OTOF: variants seen among roughly 807,000 people sequenced by gnomAD.
The protein encoded by OTOF is fer-1-like family member 2.
Under a neutral mutation model 236.8 loss-of-function variants are expected in OTOF, and 218 were observed. The ratio of observed to expected loss-of-function variants is 0.92; its 90% confidence interval spans 0.82 to 1.03. The LOEUF is 1.03. Ranked by LOEUF, OTOF falls within the 50% of genes least tolerant of loss-of-function variation. OTOF has a pLI of 0.00. For missense variants in OTOF, 2,590 were observed against 2,694.4 expected, an observed-to-expected ratio of 0.96 and a Z score of 0.86; for synonymous variants, 1,041 against 1,072.5, an observed-to-expected ratio of 0.97 and a Z score of 0.57.
Position 26,474,135 on chromosome 2 carries a change from C to T in OTOF, c.3289-25G>A, listed in dbSNP as rs754591840. The T allele has an allele frequency of 4.3e-6, 7 of 1,612,532 alleles. No individual in the cohort carries two copies. In the South Asian group the frequency reaches 6.6e-5, roughly 15 times the overall value. ...TCTGGGGAATGGGGGTCACAGGTCA[C>T]ACACTGGGGAGCCCAGGGACAGGGT... On this transcript the variant is annotated intron_variant, in intron 26 of 46. Transcript: ENST00000272371.
chr2:26,458,163 G>T lies in OTOF; in HGVS notation c.*75C>A, dbSNP rs1572394563. Reference sequence around the variant, plus strand: ...TGAGCCACTTGTACCGGGTGCAGATGAGGTACTTGATGGACTTGAGAGGGT... The same window carrying T: ...TGAGCCACTTGTACCGGGTGCAGATTAGGTACTTGATGGACTTGAGAGGGT... On this transcript the variant is annotated 3_prime_UTR_variant, in exon 47 of 47. Transcript: ENST00000272371. The T allele has an allele frequency of 1.2e-6, 2 of 1,613,692 alleles. No individual in the cohort carries two copies. Among genetic ancestry groups the T allele is most frequent in the African/African-American group, 1.3e-5 (1 of 74,918 alleles).
rs779194353 is a variant in OTOF at position 26,460,644 on chromosome 2, C to CA, written c.5813+2dup. The CA allele has an allele frequency of 1.2e-6, 2 of 1,612,584 alleles. No homozygotes were observed. Among genetic ancestry groups the CA allele is most frequent in the Non-Finnish European group, 1.7e-6 (2 of 1,178,688 alleles). ...GGAGGGGCTGGGCCGGCAGGGCACT[C>CA]ACTTGGGTTTCTCTAGGGGGTCAGG... On this transcript the variant is annotated splice_region_variant and intron_variant, in intron 45 of 46. Transcript: ENST00000272371. The surrounding 1 kb of genome is among the most constrained non-coding windows in gnomAD (Gnocchi z 5.3).
intron 3 of OTOF, among the ~76,000 whole-genome samples, chr2:26,519,820 T>C (rs1666632029): frequency 6.6e-6 from 1 of 152,192 alleles, no homozygotes; most frequent in Non-Finnish European, 1.5e-5. Flanking sequence ...GTTGGAGGAC[T>C]GAATGAGATC....
chr2:26,483,886 C>G (rs1665632011), intron 12 of OTOF, among the ~76,000 whole-genome samples: 1 of 152,212 alleles, frequency 6.6e-6, no homozygotes. Context: ...ACCCACCTCC[C>G]AAGAACATGA....
chr2:26,544,855 G>A (rs1405855900), intron 1 of OTOF, among the ~76,000 whole-genome samples: 1 of 151,174 alleles, frequency 6.6e-6, no homozygotes, highest in Admixed American at 6.6e-5. Context: ...GGCTAACACG[G>A]TGAAACCCTG....
rs1664939983 is a variant in OTOF, at chr2:26,470,812, G to A, written c.3895-91C>T. On this transcript the variant is annotated intron_variant, in intron 31 of 46. Coordinates refer to ENST00000272371, the MANE Select transcript of OTOF (RefSeq NM_194248.3). This position sits in a 1 kb window ranked among gnomAD's most constrained non-coding sequence, Gnocchi z 4.3. Reference sequence around the variant, plus strand: ...CACCCATTCCGCCATCTGTCAGCAGGAAGCCTTGGGCTCCATGAGGCTCTG... The same window carrying A: ...CACCCATTCCGCCATCTGTCAGCAGAAAGCCTTGGGCTCCATGAGGCTCTG... 1.3e-6 allele frequency: 2 copies of A among 1,557,776 alleles called. No homozygotes were observed. Among genetic ancestry groups the A allele is most frequent in the African/African-American group, 2.7e-5 (2 of 73,510 alleles).
rs1666526850 is a variant in OTOF at position 26,516,441 on chromosome 2, G to A, written c.486C>T (p.Pro162=). 1.2e-6 allele frequency: 2 copies of A among 1,613,920 alleles called. No individual in the cohort carries two copies. Among genetic ancestry groups the A allele is most frequent in the African/African-American group, 1.3e-5 (1 of 75,030 alleles). Residue 162 remains proline (P), a synonymous_variant, in exon 5 of 47, where the codon CCC becomes CCT. Transcript: ENST00000272371. ...ACCTCCGGAAGCTCTTCTCTCCTGG[G>A]GGCCGGGAGCTGGGCCGGGAGCCTG... The part of the protein sequence containing the change: ...LLPGSRPSSR[P]PGEKSFRRAG...
chr2:26,510,501 G>T (rs77329338), intron 5 of OTOF, among the ~76,000 whole-genome samples: 1 of 150,678 alleles, frequency 6.6e-6, no homozygotes, highest in Non-Finnish European at 1.5e-5. Context: ...CACCTCCCCC[G>T]CGACCCTAAC....
intron 5 of OTOF, among the ~76,000 whole-genome samples, chr2:26,505,845 G>A (rs978929451): frequency 2.0e-5 from 3 of 152,228 alleles, no homozygotes; most frequent in Non-Finnish European, 4.4e-5. Context: ...ATAGTTTACA[G>A]ATCAGGATGC....
At chr2:26,538,188 G>A (rs1028899970) in intron 1 of OTOF, among the ~76,000 whole-genome samples, 2 of 152,198 alleles carry the variant, frequency 1.3e-5, no homozygotes, top group East Asian at 1.9e-4. Flanking sequence ...AGTATAGGGG[G>A]CGTAGCCCCT....
intron 1 of OTOF, among the ~76,000 whole-genome samples, chr2:26,546,852 A>G (rs1334179826): frequency 6.6e-6 from 1 of 151,376 alleles, no homozygotes; most frequent in Non-Finnish European, 1.5e-5. Flanking sequence ...TATTAATCAT[A>G]TATCCTGAAA....
chr2:26,517,459 C>T (rs1410907252), intron 4 of OTOF, among the ~76,000 whole-genome samples: 2 of 152,222 alleles, frequency 1.3e-5, no homozygotes, highest in African/African-American at 2.4e-5. Flanking sequence ...AATGTACACT[C>T]ATTTGATCTT....
At chr2:26,458,254 T>A in intron 46 of OTOF, 34 bp from the exon 47 acceptor site, 1 of 1,552,964 alleles carries the variant, frequency 6.4e-7, no homozygotes. Flanking sequence ...GGTCAGCCAG[T>A]GGGCAGGAGC....
At chr2:26,475,336 C>G (rs1405008061) in intron 25 of OTOF, 23 bp downstream of exon 25, 33 of 1,612,380 alleles carry the variant, frequency 2.0e-5, no homozygotes, top group Non-Finnish European at 2.7e-5. Context: ...GCTGGGGTCC[C>G]TGGCACCAGA....
intron 2 of OTOF, among the ~76,000 whole-genome samples, chr2:26,531,957 G>T (rs923455893): frequency 1.2e-3 from 182 of 152,140 alleles, no homozygotes; most frequent in African/African-American, 4.3e-3. Flanking sequence ...GCCAGGTGTG[G>T]TGGTGCATGC....
At chr2:26,530,509 G>A (rs1666918831) in intron 2 of OTOF, among the ~76,000 whole-genome samples, 1 of 152,178 alleles carries the variant, frequency 6.6e-6, no homozygotes, top group Non-Finnish European at 1.5e-5. Context: ...GGGTGAGGGA[G>A]AAGACAGGGT....
In OTOF at chr2:26,466,784, G is replaced by A. The variant is rs1193991077; in HGVS notation, c.4430C>T (p.Thr1477Ile). 4 of 1,614,238 alleles carry A rather than the reference G, an allele frequency of 2.5e-6. No homozygotes were observed. Among genetic ancestry groups the A allele is most frequent in the African/African-American group, 2.7e-5 (2 of 75,064 alleles). The change falls in exon 36 of 47, where the codon ACC becomes ATC. Residue 1477 changes from threonine (T) to isoleucine (I), a missense_variant. Around this residue, in one of 2 missense-constraint regions of OTOF, gnomAD observed 1,211 missense variants for 1,352.8 expected, o/e 0.90. Coordinates refer to ENST00000272371, the MANE Select transcript of OTOF (RefSeq NM_194248.3). ...DVSREAGYDS[T>I]YGMFQGIPSN... ...CGGGATGCCCTGGAACATGCCGTAG[G>A]TGGAGTCGTAGCCGGCTTCCCGGGA...
intron 25 of OTOF, among the ~76,000 whole-genome samples, chr2:26,475,004 A>G (rs1362233989): frequency 6.6e-6 from 1 of 151,940 alleles, no homozygotes; most frequent in African/African-American, 2.4e-5. Context: ...CCTGCTCCAG[A>G]ACCTCCACGG....
At chr2:26,476,860 AG>A in intron 22 of OTOF, 30 bp downstream of exon 22, 1 of 1,597,472 alleles carries the variant, frequency 6.3e-7, no homozygotes. Flanking sequence ...GAAAGGACCC[AG>A]GCCCCCATCC....
Sources: allele counts gnomAD v4.1 joint callset (sites outside exome capture counted in the v4.1 genomes callset), GRCh38; gene constraint gnomAD v4.1.1; regional missense constraint gnomAD v4.1.1; non-coding constraint Gnocchi (gnomAD v3.1); transcripts MANE v1.5; gene names NCBI Gene and HGNC (gene_info 2026-07-23, HGNC 2026-07-21).